The following SLC4A10 variants were observed in gnomAD, a reference collection of about 807,000 sequenced individuals.
SLC4A10 encodes solute carrier family 4 member 10.
SLC4A10 carries 42 observed loss-of-function variants against 137.7 expected under a neutral mutation model. The ratio of observed to expected loss-of-function variants is 0.30; its 90% CI spans 0.24 to 0.39. The LOEUF (loss-of-function observed/expected upper bound fraction) is 0.39, where lower values mean the gene tolerates loss of function less well. Ranked by LOEUF, SLC4A10 falls within the 10% of genes least tolerant of loss-of-function variation. The pLI is 1.00. For synonymous variants in SLC4A10, 474 were observed against 464.1 expected, an observed-to-expected ratio of 1.02 and a Z score of -0.27; for missense variants, 925 against 1,355.0, an observed-to-expected ratio of 0.68 and a Z score of 4.98.
intron 1 of SLC4A10, among the ~76,000 whole-genome samples, chr2:161,762,033 C>T (rs191309126): frequency 1.5e-3 from 225 of 152,056 alleles, no homozygotes; most frequent in African/African-American, 5.2e-3. Flanking sequence ...AATTGCTTTG[C>T]GTAAATAAAT....
intron 1 of SLC4A10, among the ~76,000 whole-genome samples, chr2:161,725,169 C>T (rs570119236): frequency 7.2e-5 from 11 of 152,242 alleles, no homozygotes; most frequent in Middle Eastern, 3.4e-3. Context: ...GGGCCAGACT[C>T]TGAGGTGCTT....
intron 1 of SLC4A10, among the ~76,000 whole-genome samples, chr2:161,628,816 G>T (rs1271883406): frequency 1.3e-5 from 2 of 151,872 alleles, no homozygotes; most frequent in African/African-American, 4.8e-5. Context: ...GAATCTGAAG[G>T]CTATAAGTAT....
At chr2:161,885,498 G>T (rs777314581) in intron 10 of SLC4A10, among the ~76,000 whole-genome samples, 1 of 152,066 alleles carries the variant, frequency 6.6e-6, no homozygotes, top group Non-Finnish European at 1.5e-5. Context: ...CTTATTATGA[G>T]TGTCTGACCC....
At chr2:161,675,066 A>G (rs1385078283) in intron 1 of SLC4A10, among the ~76,000 whole-genome samples, 1 of 152,228 alleles carries the variant, frequency 6.6e-6, no homozygotes, top group African/African-American at 2.4e-5. Flanking sequence ...ATCTTAAAAA[A>G]TAAAATCCAT....
chr2:161,627,254 A>G (rs1027045345), intron 1 of SLC4A10, among the ~76,000 whole-genome samples: 5 of 152,150 alleles, frequency 3.3e-5, no homozygotes, highest in African/African-American at 1.2e-4. Context: ...GTGGCTTGTC[A>G]GTACTTTCTA....
At chr2:161,704,297 ACAAT>A (rs1421312869) in intron 1 of SLC4A10, among the ~76,000 whole-genome samples, 6 of 151,876 alleles carry the variant, frequency 4.0e-5, no homozygotes, top group African/African-American at 7.2e-5. Context: ...GTGAAAGTAA[ACAAT>A]CAATCACACA....
At chr2:161,667,383 G>A (rs190628333) in intron 1 of SLC4A10, among the ~76,000 whole-genome samples, 22 of 151,812 alleles carry the variant, frequency 1.4e-4, no homozygotes, top group Admixed American at 5.9e-4. Context: ...TTAGACTCTA[G>A]TGGGGAAGAC....
intron 3 of SLC4A10, among the ~76,000 whole-genome samples, chr2:161,817,331 G>GT (rs1157648708): frequency 6.6e-6 from 1 of 152,060 alleles, no homozygotes; most frequent in African/African-American, 2.4e-5. Flanking sequence ...GGGACTGTTT[G>GT]TTTTTTTCTT....
intron 1 of SLC4A10, among the ~76,000 whole-genome samples, chr2:161,691,861 A>G (rs1431111493): frequency 6.6e-6 from 1 of 152,158 alleles, no homozygotes; most frequent in Non-Finnish European, 1.5e-5. Context: ...GACACAAAAC[A>G]TACATGAATG....
intron 1 of SLC4A10, among the ~76,000 whole-genome samples, chr2:161,693,544 T>G (rs1045588562): frequency 2.6e-5 from 4 of 151,998 alleles, no homozygotes; most frequent in Non-Finnish European, 5.9e-5. Context: ...TTTTCAGTTC[T>G]ATTGAGTTTA....
At chr2:161,687,952 T>A (rs542903287) in intron 1 of SLC4A10, among the ~76,000 whole-genome samples, 3 of 152,346 alleles carry the variant, frequency 2.0e-5, no homozygotes, top group Admixed American at 1.3e-4. Context: ...CTTGGGTATA[T>A]CTTCATAGCA....
chr2:161,895,672 A>T (rs2063403599), intron 11 of SLC4A10, among the ~76,000 whole-genome samples: 1 of 152,186 alleles, frequency 6.6e-6, no homozygotes, highest in Non-Finnish European at 1.5e-5. Context: ...AGTGATGATG[A>T]GCATTTTTTC....
intron 9 of SLC4A10, 62 bp downstream of exon 9, chr2:161,879,350 G>A (rs536892798): frequency 1.4e-6 from 2 of 1,458,230 alleles, no homozygotes; most frequent in Admixed American, 2.1e-5. Flanking sequence ...GAAAGAAAAT[G>A]AGGATTCAAT....
At chr2:161,928,533 TA>T (rs912352684) in intron 15 of SLC4A10, among the ~76,000 whole-genome samples, 30 of 131,076 alleles carry the variant, frequency 2.3e-4, no homozygotes, top group African/African-American at 7.7e-4. Flanking sequence ...AATAACAGAA[TA>T]AAAAAAGTAT....
intron 1 of SLC4A10, among the ~76,000 whole-genome samples, chr2:161,725,912 C>A (rs1045297537): frequency 3.3e-5 from 5 of 152,138 alleles, no homozygotes; most frequent in African/African-American, 1.2e-4. Context: ...CTACTTCTGG[C>A]ATAATATTTA....
chr2:161,938,179 G>A (rs926355372), intron 15 of SLC4A10, among the ~76,000 whole-genome samples: 1 of 152,134 alleles, frequency 6.6e-6, no homozygotes, highest in Admixed American at 6.5e-5. Context: ...GCTGAGGCAC[G>A]AGAATCGCTT....
chr2:161,775,016 A>T (rs2052141921), intron 2 of SLC4A10, among the ~76,000 whole-genome samples: 1 of 151,908 alleles, frequency 6.6e-6, no homozygotes, highest in Non-Finnish European at 1.5e-5. Context: ...AGGGGACTCT[A>T]AACTACTTGA....
chr2:161,643,545 C>T (rs2035598536), intron 1 of SLC4A10, among the ~76,000 whole-genome samples: 1 of 151,956 alleles, frequency 6.6e-6, no homozygotes, highest in South Asian at 2.1e-4. Flanking sequence ...TTTAAAAATG[C>T]TTTACATAGA....
chr2:161,854,145 G>T (rs2059975326), intron 4 of SLC4A10, among the ~76,000 whole-genome samples: 1 of 152,244 alleles, frequency 6.6e-6, no homozygotes, highest in South Asian at 2.1e-4. Context: ...TTAGGCTAAG[G>T]TTCATTAGAA....
Sources: gnomAD v4.1 joint callset for allele counts (sites outside exome capture counted in the v4.1 genomes callset) on GRCh38, gnomAD v4.1.1 for gene constraint, MANE v1.5 for transcripts, NCBI Gene and HGNC (gene_info 2026-07-23, HGNC 2026-07-21) for gene names.